OPCML: variants seen among roughly 807,000 people sequenced by gnomAD.
OPCML encodes opioid binding protein/cell adhesion molecule like.
Under a neutral mutation model 37.8 loss-of-function variants are expected in OPCML, and 13 were observed. That is an observed-to-expected ratio of 0.34 (90% CI 0.22 to 0.55). OPCML has a LOEUF of 0.55. OPCML is among the 20% of genes least tolerant of loss of function. The pLI, the probability that OPCML is intolerant of heterozygous loss-of-function variation, is 0.91. For synonymous variants in OPCML, 176 were observed against 168.8 expected, an observed-to-expected ratio of 1.04 and a Z score of -0.33; for missense variants, 341 against 435.6, an observed-to-expected ratio of 0.78 and a Z score of 1.93.
At chr11:132,505,237 G>T (rs943697899) in intron 4 of OPCML, among the ~76,000 whole-genome samples, 1 of 147,906 alleles carries the variant, frequency 6.8e-6, no homozygotes, top group Middle Eastern at 3.5e-3. Flanking sequence ...TGAGTATTGA[G>T]AAAATACTGT....
At chr11:133,118,252 G>A (rs759067229) in intron 1 of OPCML, 8 of 985,290 alleles carry the variant, frequency 8.1e-6, no homozygotes, top group Non-Finnish European at 9.6e-6. Flanking sequence ...ATATATGTCT[G>A]TCCTGGGCTT....
rs545030208 is a variant in OPCML at position 132,684,205 on chromosome 11, G to A, written c.147-26886C>T. On this transcript the variant is annotated intron_variant, in intron 2 of 7. Coordinates refer to ENST00000524381, the MANE Select transcript of OPCML (RefSeq NM_001012393.5). ...GCTTAATACCAATAACAATAATAAA[G>A]TTAGCTCCTGCTATACTAGTGGCTA... 7.2e-5 allele frequency among the ~76,000 whole-genome samples: 11 copies of A among 152,228 alleles called. No homozygotes were observed. In the East Asian group the frequency reaches 2.1e-3, roughly 29 times the overall value.
intron 1 of OPCML, among the ~76,000 whole-genome samples, chr11:133,277,601 C>T (rs573541209): frequency 4.6e-5 from 7 of 151,968 alleles, no homozygotes; most frequent in East Asian, 1.9e-4. Flanking sequence ...TTAAGTTACG[C>T]GAGGCCAGGT....
chr11:133,297,398 C>A (rs1942657058), intron 1 of OPCML: 1 of 152,066 alleles, frequency 6.6e-6, no homozygotes, highest in Non-Finnish European at 1.5e-5. Flanking sequence ...GGCCATGCAC[C>A]CTGCTGTTTG....
At chr11:133,224,748 T>C (rs909753810) in intron 1 of OPCML, among the ~76,000 whole-genome samples, 2 of 152,246 alleles carry the variant, frequency 1.3e-5, no homozygotes, top group African/African-American at 4.8e-5. Flanking sequence ...GATGGCTTCA[T>C]AAAATGTAAA....
chr11:133,140,186 CAATAAT>C lies in OPCML; in HGVS notation c.62-197182_62-197177del, dbSNP rs59577218. ...TGGGCGACAGAGTGAGACTCCGTCT[CAATAAT>C]AATAATAATAATAATAATAATAATA... On this transcript the variant is annotated intron_variant, in intron 1 of 7. Coordinates refer to ENST00000524381, the MANE Select transcript of OPCML (RefSeq NM_001012393.5). Among the ~76,000 whole-genome samples the C allele has an allele frequency of 2.3e-3, 283 of 124,800 alleles. 2 individuals carry two copies. The highest frequency in any genetic ancestry group is 2.0e-3 in the East Asian group (8 of 4,082). The allele number at this position is 124,800 out of a possible 152,430, so 81.9% of individuals were successfully genotyped here.
rs562012049 is a variant in OPCML at position 133,158,589 on chromosome 11, A to G, written c.62-215579T>C. Among the ~76,000 whole-genome samples the G allele has an allele frequency of 3.3e-3, 501 of 151,786 alleles. 4 individuals carry two copies. Among genetic ancestry groups the G allele is most frequent in the African/African-American group, 0.012 (492 of 41,384 alleles). ...GTGGCGGGCGCCTGTAGTCCCAGCT[A>G]CTCAGGAGGCTGAGGCAGGAGAATC... On this transcript the variant is annotated intron_variant, in intron 1 of 7. Transcript: ENST00000524381.
At chr11:132,814,502 T>A (rs1474913475) in intron 2 of OPCML, among the ~76,000 whole-genome samples, 1 of 152,226 alleles carries the variant, frequency 6.6e-6, no homozygotes, top group African/African-American at 2.4e-5. Flanking sequence ...AATGAAAACA[T>A]GAGGAAGGGC....
At chr11:132,807,904 G>T (rs548344907) in intron 2 of OPCML, among the ~76,000 whole-genome samples, 4 of 151,390 alleles carry the variant, frequency 2.6e-5, no homozygotes, top group Admixed American at 6.6e-5. Flanking sequence ...CAACTTATTT[G>T]TAAGGCCATC....
In OPCML at chr11:133,206,182, T is replaced by C. The variant is rs73598421; in HGVS notation, c.62-263172A>G. ...AAAAGACAATGCACAAAAAACTGCT[T>C]CCCATGGTGCCTAAAACGTCATCAA... On this transcript the variant is annotated intron_variant, in intron 1 of 7. Transcript: ENST00000524381. This position sits in a 1 kb window ranked among gnomAD's most constrained non-coding sequence, Gnocchi z 4.7. Among the ~76,000 whole-genome samples the C allele has an allele frequency of 0.03, 4,567 of 152,212 alleles. 171 individuals are homozygous for C. The highest frequency in any genetic ancestry group is 0.087 in the African/African-American group (3,624 of 41,516).
chr11:132,538,785 G>A lies in OPCML; in HGVS notation c.380-9599C>T, dbSNP rs77178774. Among the ~76,000 whole-genome samples, 1,845 of 152,002 alleles carry A rather than the reference G, an allele frequency of 0.012. 102 individuals are homozygous for A. In the East Asian group the frequency reaches 0.14, roughly 11 times the overall value. On this transcript the variant is annotated intron_variant, in intron 3 of 7. Coordinates refer to ENST00000524381, the MANE Select transcript of OPCML (RefSeq NM_001012393.5). ...TCCTCTTTTCTTTCCAAGACAACTCGCATTGCCCTAGTCACATCAGCCCAT... is the reference window on the plus strand; with the variant it reads ...TCCTCTTTTCTTTCCAAGACAACTCACATTGCCCTAGTCACATCAGCCCAT...
intron 1 of OPCML, among the ~76,000 whole-genome samples, chr11:133,047,385 A>AT (rs1211139251): frequency 5.3e-5 from 8 of 152,338 alleles, no homozygotes; most frequent in African/African-American, 1.7e-4. Context: ...TTATCTGGGC[A>AT]TAAGTCTTTG....
At chr11:132,421,034 T>C (rs1339962267) in intron 7 of OPCML, among the ~76,000 whole-genome samples, 1 of 152,010 alleles carries the variant, frequency 6.6e-6, no homozygotes, top group East Asian at 1.9e-4. Flanking sequence ...AATAAATCAT[T>C]CAAGGTCCAC....
intron 1 of OPCML, chr11:133,418,471 T>C (rs2136887144): frequency 1.0e-6 from 1 of 985,274 alleles, no homozygotes; most frequent in African/African-American, 1.7e-5. Context: ...GTATCTGTGG[T>C]TGGGTAAAAG....
chr11:133,256,249 C>A (rs1941309889), intron 1 of OPCML, among the ~76,000 whole-genome samples: 1 of 152,188 alleles, frequency 6.6e-6, no homozygotes, highest in Non-Finnish European at 1.5e-5. Flanking sequence ...GTTTGGAGTT[C>A]ATCTGGGCTT....
chr11:132,815,124 T>G (rs1349801445), intron 2 of OPCML, among the ~76,000 whole-genome samples: 2 of 152,156 alleles, frequency 1.3e-5, no homozygotes, highest in Admixed American at 6.5e-5. Flanking sequence ...ATTTTAATAG[T>G]TTCTTAACTC....
intron 1 of OPCML, among the ~76,000 whole-genome samples, chr11:133,191,507 GT>G (rs1279207089): frequency 1.6e-4 from 22 of 137,560 alleles, no homozygotes; most frequent in African/African-American, 5.6e-4. Flanking sequence ...GTGTGTGGGT[GT>G]GTGTGTGTGT....
intron 3 of OPCML, among the ~76,000 whole-genome samples, chr11:132,583,679 C>G (rs185127901): frequency 6.6e-6 from 1 of 152,106 alleles, no homozygotes; most frequent in Admixed American, 6.6e-5. Context: ...TGTAATGGCG[C>G]AAACTCAGCT....
At chr11:132,585,093 T>C (rs1369738706) in intron 3 of OPCML, among the ~76,000 whole-genome samples, 1 of 152,120 alleles carries the variant, frequency 6.6e-6, no homozygotes, top group Non-Finnish European at 1.5e-5. Context: ...ATCTAAATTA[T>C]GTAAGGAGGC....
Sources: gnomAD v4.1 joint callset for allele counts (sites outside exome capture counted in the v4.1 genomes callset) on GRCh38, gnomAD v4.1.1 for gene constraint, Gnocchi (gnomAD v3.1) non-coding constraint, MANE v1.5 for transcripts, NCBI Gene and HGNC (gene_info 2026-07-23, HGNC 2026-07-21) for gene names.